CNTNAP5: variants seen among roughly 807,000 people sequenced by gnomAD.
The protein encoded by CNTNAP5 is contactin-associated protein-like 5.
Under a neutral mutation model 150.2 loss-of-function variants are expected in CNTNAP5, and 72 were observed. The ratio of observed to expected loss-of-function variants is 0.48; its 90% CI spans 0.40 to 0.58. The LOEUF is 0.58. Ranked by LOEUF, CNTNAP5 falls within the 20% of genes least tolerant of loss-of-function variation. CNTNAP5 has a pLI of 0.00. For synonymous variants in CNTNAP5, 672 were observed against 619.8 expected (o/e 1.08, Z -1.25); for missense variants, 1,636 against 1,626.2 (o/e 1.01, Z -0.10).
intron 3 of CNTNAP5, among the ~76,000 whole-genome samples, chr2:124,386,239 G>A (rs1690924176): frequency 6.6e-6 from 1 of 152,206 alleles, no homozygotes; most frequent in South Asian, 2.1e-4. Flanking sequence ...TCCATTGTGT[G>A]AAGGTCATTG....
At chr2:124,886,248 A>G (rs185787709) in intron 21 of CNTNAP5, among the ~76,000 whole-genome samples, 57 of 152,218 alleles carry the variant, frequency 3.7e-4, no homozygotes, top group Admixed American at 3.7e-3. Flanking sequence ...ATCATGGGGT[A>G]ACATCCCAAG....
At chr2:124,893,224 T>G (rs1420241275) in intron 21 of CNTNAP5, among the ~76,000 whole-genome samples, 2 of 152,112 alleles carry the variant, frequency 1.3e-5, no homozygotes, top group Non-Finnish European at 2.9e-5. Flanking sequence ...CCTTATTTAA[T>G]GTCTTTTGTT....
intron 1 of CNTNAP5, among the ~76,000 whole-genome samples, chr2:124,040,619 C>G (rs1454259221): frequency 1.7e-5 from 1 of 59,028 alleles, no homozygotes; most frequent in Non-Finnish European, 3.7e-5. Flanking sequence ...CTCTGTATGC[C>G]TCTGTGTGTG....
In CNTNAP5 at chr2:124,919,270, G is replaced by A. The variant is rs1678827803; in HGVS notation, c.*4982G>A. 6.6e-6 allele frequency among the ~76,000 whole-genome samples: 1 copy of A among 152,022 alleles called. No individual in the cohort carries two copies. Reference sequence around the variant, plus strand: ...CAATTATTTGAATCCTTCATATAAGGTTTTAATAATTAACCGGTTTGCTAT... The same window carrying A: ...CAATTATTTGAATCCTTCATATAAGATTTTAATAATTAACCGGTTTGCTAT... On this transcript the variant is annotated 3_prime_UTR_variant, in exon 24 of 24. Transcript: ENST00000682447.
chr2:124,774,214 A>ATT (rs370255089), intron 17 of CNTNAP5, among the ~76,000 whole-genome samples: 7 of 149,016 alleles, frequency 4.7e-5, no homozygotes, highest in African/African-American at 1.7e-4. Flanking sequence ...TTGTTTATTT[A>ATT]TTTTTTTTTT....
In CNTNAP5 at chr2:124,713,243, C is replaced by CTTTT. The variant is rs1280851827; in HGVS notation, c.2078-33985_2078-33984insTTTT. Among the ~76,000 whole-genome samples, 9 of 65,162 alleles carry CTTTT rather than the reference C, an allele frequency of 1.4e-4. 2 individuals carry two copies. Among genetic ancestry groups the CTTTT allele is most frequent in the East Asian group, 9.2e-4 (2 of 2,170 alleles). The allele number at this position is 65,162 out of a possible 152,430, so 42.7% of individuals were successfully genotyped here. On this transcript the variant is annotated intron_variant, in intron 13 of 23. Coordinates refer to ENST00000682447, the MANE Select transcript of CNTNAP5 (RefSeq NM_001367498.1). ...TGTTTCTTTCTTTCTTTCTTTCTTT[C>CTTTT]TCTTTCTTTCTTTCTTTCTTTCTTT...
chr2:124,154,945 G>A (rs942070599), intron 1 of CNTNAP5, among the ~76,000 whole-genome samples: 2 of 152,070 alleles, frequency 1.3e-5, no homozygotes, highest in African/African-American at 4.8e-5. Flanking sequence ...TATGCAGCCA[G>A]GACTGAAAAT....
At position 124,328,350 on chromosome 2, in the gene CNTNAP5, G is replaced by A. The variant is rs975466673; in HGVS notation, c.381+85957G>A. Reference sequence around the variant, plus strand: ...CTTCCATGCATGAGGCAGTGGGTTCGTAGCTAACCTTGCTCACATTATAGG... The same window carrying A: ...CTTCCATGCATGAGGCAGTGGGTTCATAGCTAACCTTGCTCACATTATAGG... On this transcript the variant is annotated intron_variant, in intron 3 of 23. Transcript: ENST00000682447. Among the ~76,000 whole-genome samples the A allele has an allele frequency of 1.2e-4, 18 of 152,072 alleles. 1 individual carries two copies. Among genetic ancestry groups the A allele is most frequent in the Non-Finnish European group, 5.9e-5 (4 of 68,000 alleles).
rs762133711 is a variant in CNTNAP5, at chr2:124,790,157, C to T, written c.2992+16C>T. The T allele has an allele frequency of 6.3e-7, 1 of 1,596,066 alleles. No homozygotes were observed. Among genetic ancestry groups the T allele is most frequent in the Non-Finnish European group, 8.5e-7 (1 of 1,170,762 alleles). The stretch of plus-strand genomic sequence containing the variant: ...TGCAAAAAAGGTACCTTAGGCGCTC[C>T]TGTTTCTCCTGAGTGCAGTGCTGTA... On this transcript the variant is annotated intron_variant, in intron 18 of 23. Transcript: ENST00000682447.
At chr2:124,238,186 C>T (rs1231152549) in intron 2 of CNTNAP5, among the ~76,000 whole-genome samples, 6 of 152,108 alleles carry the variant, frequency 3.9e-5, no homozygotes, top group South Asian at 4.2e-4. Flanking sequence ...CTTGAGAGGC[C>T]GCTTGTAGCC....
intron 19 of CNTNAP5, among the ~76,000 whole-genome samples, chr2:124,841,944 T>C (rs1208876424): frequency 1.3e-5 from 2 of 151,104 alleles, no homozygotes; most frequent in Admixed American, 1.3e-4. Context: ...TCAGTATCTG[T>C]AGTTACCAAA....
intron 1 of CNTNAP5, among the ~76,000 whole-genome samples, chr2:124,053,669 G>A (rs532985454): frequency 6.6e-6 from 1 of 152,162 alleles, no homozygotes; most frequent in Non-Finnish European, 1.5e-5. Context: ...ACCTAGTACA[G>A]TGTCAGGTAC....
At chr2:124,901,542 C>T (rs915590166) in intron 21 of CNTNAP5, among the ~76,000 whole-genome samples, 1 of 152,110 alleles carries the variant, frequency 6.6e-6, no homozygotes, top group African/African-American at 2.4e-5. Flanking sequence ...CTAGAAAAGG[C>T]AAGGAAATAT....
chr2:124,356,322 T>C (rs1172021099), intron 3 of CNTNAP5, among the ~76,000 whole-genome samples: 1 of 149,106 alleles, frequency 6.7e-6, no homozygotes, highest in Non-Finnish European at 1.5e-5. Flanking sequence ...TTTTTTTTTT[T>C]ATACTTTAGG....
intron 10 of CNTNAP5, among the ~76,000 whole-genome samples, chr2:124,544,683 T>G (rs1573449229): frequency 6.6e-6 from 1 of 152,228 alleles, no homozygotes. Context: ...GTACCACATG[T>G]GGCTAGTGAC....
At chr2:124,454,055 C>T (rs1306283154) in intron 6 of CNTNAP5, among the ~76,000 whole-genome samples, 1 of 152,150 alleles carries the variant, frequency 6.6e-6, no homozygotes, top group South Asian at 2.1e-4. Context: ...CATCTCAAAA[C>T]TAACATTGAA....
At chr2:124,451,053 T>C (rs10176052) in intron 6 of CNTNAP5, among the ~76,000 whole-genome samples, 2 of 53,792 alleles carry the variant, frequency 3.7e-5, no homozygotes, top group Non-Finnish European at 6.3e-5. Context: ...AAAAAAAAAA[T>C]ATATATATAT....
At chr2:124,419,152 A>AAAAAAAAAAAAAAAAAAAAAAAC (rs772412223) in intron 4 of CNTNAP5, among the ~76,000 whole-genome samples, 5 of 120,986 alleles carry the variant, frequency 4.1e-5, no homozygotes, top group Non-Finnish European at 7.3e-5. Flanking sequence ...AAAAAAAAAA[A>AAAAAAAAAAAAAAAAAAAAAAAC]AAAAAAAAAA....
chr2:124,381,007 A>T (rs1234272313), intron 3 of CNTNAP5, among the ~76,000 whole-genome samples: 1 of 152,160 alleles, frequency 6.6e-6, no homozygotes, highest in African/African-American at 2.4e-5. Context: ...AGAAGGTGGC[A>T]TTGGAGCTGA....
Sources: gnomAD v4.1 joint callset for allele counts (sites outside exome capture counted in the v4.1 genomes callset) on GRCh38, gnomAD v4.1.1 for gene constraint, MANE v1.5 for transcripts, NCBI Gene and HGNC (gene_info 2026-07-23, HGNC 2026-07-21) for gene names.